HOMER3: variants seen among roughly 807,000 people sequenced by gnomAD.
The protein encoded by HOMER3 is homer protein homolog 3.
A neutral mutation model predicts 45.5 loss-of-function variants in HOMER3; 34 were observed. The observed-to-expected ratio is 0.75, with a 90% CI of 0.57 to 1.00. The LOEUF is 1.00. Among genes scored for constraint, HOMER3 ranks in the 50% least tolerant of loss-of-function variants. The probability of loss-of-function intolerance (pLI) is 0.00; values close to 1 mark genes in which losing one functional copy is unlikely to be tolerated. For missense variants in HOMER3, 480 were observed against 497.5 expected (o/e 0.96, Z 0.33); for synonymous variants, 223 against 208.8 (o/e 1.07, Z -0.58).
At chr19:18,935,152 TG>T (rs149563661) in intron 4 of HOMER3, among the ~76,000 whole-genome samples, 1 of 106,726 alleles carries the variant, frequency 9.4e-6, no homozygotes, top group South Asian at 2.8e-4. Flanking sequence ...TTTTTTTTTT[TG>T]GGGGGGGACA....
chr19:18,935,133 CCT>C (rs1568339351), intron 4 of HOMER3, among the ~76,000 whole-genome samples: 1 of 136,394 alleles, frequency 7.3e-6, no homozygotes, highest in Non-Finnish European at 1.5e-5. Flanking sequence ...CAGCACCCAG[CCT>C]TTTTTTTTTT....
intron 1 of HOMER3, chr19:18,939,260 C>T (rs1256856178): frequency 4.7e-6 from 2 of 428,330 alleles, no homozygotes; most frequent in Admixed American, 3.9e-5. Flanking sequence ...AGCAACATGG[C>T]GAGACCCCAT....
At chr19:18,936,760 T>C (rs527574650) in intron 4 of HOMER3, among the ~76,000 whole-genome samples, 44 of 151,178 alleles carry the variant, frequency 2.9e-4, no homozygotes, top group Non-Finnish European at 5.6e-4. Context: ...GAGGCCAAGG[T>C]GGGTGGATCA....
chr19:18,929,668 C>CA, intron 9 of HOMER3, 34 bp from the exon 10 acceptor site: 1 of 1,459,760 alleles, frequency 6.9e-7, no homozygotes, highest in East Asian at 2.5e-5. Flanking sequence ...TTGGGGGCCC[C>CA]AACAAATCAC....
intron 1 of HOMER3, 40 bp from the exon 2 acceptor site, chr19:18,939,089 G>T: frequency 8.9e-7 from 1 of 1,120,962 alleles, no homozygotes; most frequent in Non-Finnish European, 1.2e-6. Flanking sequence ...CCTCAGGCCA[G>T]GCTGAGGGAG....
rs543987709 is a variant in HOMER3, at chr19:18,929,366, C to G, written c.*77G>C. On this transcript the variant is annotated 3_prime_UTR_variant, in exon 10 of 10. Transcript: ENST00000392351. Reference sequence around the variant, plus strand: ...GGGACCCCCCAGTCCCTTTCCAGGACGAATGGGCCCAACTATGCCGCCTGC... The same window carrying G: ...GGGACCCCCCAGTCCCTTTCCAGGAGGAATGGGCCCAACTATGCCGCCTGC... The G allele has an allele frequency of 6.6e-7, 1 of 1,518,202 alleles. No homozygotes were observed. The highest frequency in any genetic ancestry group is 1.4e-5 in the African/African-American group (1 of 72,960). The allele number at this position is 1,518,202 out of a possible 1,614,324, so 94.0% of individuals were successfully genotyped here. A position where few individuals can be genotyped will look rare whatever the true frequency, so the allele number is the denominator to read the frequency against.
chr19:18,933,996 G>A (rs572334548), intron 5 of HOMER3, among the ~76,000 whole-genome samples: 8 of 152,136 alleles, frequency 5.3e-5, no homozygotes, highest in Admixed American at 1.3e-4. Context: ...GTGAGCCACC[G>A]CACCCGGCCA....
chr19:18,932,707 G>C (rs898239982), intron 6 of HOMER3, among the ~76,000 whole-genome samples: 1 of 151,914 alleles, frequency 6.6e-6, no homozygotes, highest in Non-Finnish European at 1.5e-5. Context: ...AGCGAGAAGA[G>C]ACAGGGATGG....
chr19:18,937,533 G>A (rs1423970773), intron 4 of HOMER3, among the ~76,000 whole-genome samples: 5 of 151,644 alleles, frequency 3.3e-5, no homozygotes, highest in East Asian at 3.9e-4. Context: ...TTAGCTGGGC[G>A]AGGTGGTGGG....
Position 18,929,406 on chromosome 19 carries a change from C to T in HOMER3, c.*37G>A. On this transcript the variant is annotated 3_prime_UTR_variant, in exon 10 of 10. Transcript: ENST00000392351. ...ATGCCGCCTGCAGCCTGGCCCGCAT[C>T]CCAGGCCGGAATCGTTCATAGAAAA... 1 of 1,581,212 alleles carries T rather than the reference C, an allele frequency of 6.3e-7. No homozygotes were observed. Among genetic ancestry groups the T allele is most frequent in the East Asian group, 2.2e-5 (1 of 44,482 alleles).
At chr19:18,938,704 G>GCCCC in intron 3 of HOMER3, 24 bp downstream of exon 3, 5 of 1,561,844 alleles carry the variant, frequency 3.2e-6, no homozygotes, top group Non-Finnish European at 2.6e-6. Context: ...TGGTGCCTCT[G>GCCCC]CCCCACCCAG....
intron 4 of HOMER3, among the ~76,000 whole-genome samples, chr19:18,935,134 CTTTT>C (rs796725352): frequency 0.016 from 1,827 of 112,936 alleles, 59 homozygotes; most frequent in African/African-American, 0.057. Context: ...AGCACCCAGC[CTTTT>C]TTTTTTTTTT....
intron 6 of HOMER3, among the ~76,000 whole-genome samples, 167 bp from the exon 7 acceptor site, chr19:18,932,299 C>T (rs1472963319): frequency 1.1e-5 from 1 of 92,848 alleles, no homozygotes; most frequent in African/African-American, 4.3e-5. Flanking sequence ...GGGGGCGGGG[C>T]AGGGGTGGAG....
Position 18,939,021 on chromosome 19 carries a change from G to C in HOMER3, c.-39C>G, listed in dbSNP as rs771483227. The C allele has an allele frequency of 1.4e-5, 21 of 1,543,546 alleles. No homozygotes were observed. Among genetic ancestry groups the C allele is most frequent in the Non-Finnish European group, 1.8e-5 (21 of 1,145,768 alleles). ...ATGGGCAGGCTCTAGGGGGCAGCCA[G>C]AGAGGTGGCAGGAGCACTGGTTTGG... On this transcript the variant is annotated 5_prime_UTR_variant, in exon 2 of 10. Coordinates refer to ENST00000392351, the MANE Select transcript of HOMER3 (RefSeq NM_004838.4).
rs1278290080 is a variant in HOMER3, at chr19:18,929,214, A to G, written c.*229T>C. On this transcript the variant is annotated 3_prime_UTR_variant, in exon 10 of 10. Transcript: ENST00000392351. ...CACACACACACAGCCACGCTTAGAA[A>G]TGTAATCGGGGGATCTAGAAATTCT... 1 of 762,882 alleles carries G rather than the reference A, an allele frequency of 1.3e-6. No individual in the cohort carries two copies. Among genetic ancestry groups the G allele is most frequent in the East Asian group, 2.4e-5 (1 of 41,118 alleles). The allele number at this position is 762,882 out of a possible 1,614,324, so 47.3% of individuals were successfully genotyped here. A position where few individuals can be genotyped will look rare whatever the true frequency, so the allele number is the denominator to read the frequency against.
chr19:18,929,617 A>C lies in HOMER3; in HGVS notation c.912T>G (p.Asn304Lys). The change falls in exon 10 of 10, where the codon AAT (asparagine) becomes AAG (lysine). Residue 304 changes from asparagine (N) to lysine (K), a missense_variant. By Grantham distance (94) the Asn-to-Lys change is moderately conservative (BLOSUM62 0). Transcript: ENST00000392351. The part of the protein sequence containing the change: ...QQKVQDLETR[N>K]AELEHQLRAM... ...CCCGCAGCTGGTGCTCCAACTCCGC[A>C]TTGCGGGTCTCCAGGTCCTGCCAGG... is the stretch of plus-strand genomic sequence containing the variant. The C allele has an allele frequency of 7.0e-7, 1 of 1,433,224 alleles. No homozygotes were observed. Among genetic ancestry groups the C allele is most frequent in the Non-Finnish European group, 9.4e-7 (1 of 1,067,454 alleles). The allele number at this position is 1,433,224 out of a possible 1,614,324, so 88.8% of individuals were successfully genotyped here. A position where few individuals can be genotyped will look rare whatever the true frequency, so the allele number is the denominator to read the frequency against.
chr19:18,937,902 G>C (rs2057110839), intron 4 of HOMER3, among the ~76,000 whole-genome samples: 1 of 151,416 alleles, frequency 6.6e-6, no homozygotes, highest in Non-Finnish European at 1.5e-5. Flanking sequence ...AGTAGAACTA[G>C]GACTCAAGAG....
chr19:18,929,852 C>T (rs191654893), intron 9 of HOMER3, among the ~76,000 whole-genome samples: 147 of 152,176 alleles, frequency 9.7e-4, no homozygotes, highest in Middle Eastern at 6.8e-3. Context: ...TCGCTCTTGT[C>T]GCCCAGGCTG....
At chr19:18,938,160 C>CA (rs58780597) in intron 4 of HOMER3, among the ~76,000 whole-genome samples, 193 bp downstream of exon 4, 42,791 of 147,074 alleles carry the variant, frequency 0.29, 7,013 homozygotes, top group African/African-American at 0.46. Flanking sequence ...CAGCCTATCT[C>CA]AAAAAAAAAA....
Sources: allele counts gnomAD v4.1 joint callset (sites outside exome capture counted in the v4.1 genomes callset), GRCh38; gene constraint gnomAD v4.1.1; transcripts MANE v1.5; gene names NCBI Gene and HGNC (gene_info 2026-07-23, HGNC 2026-07-21).